CNOT6: variants seen among roughly 807,000 people sequenced by gnomAD.
CNOT6 encodes CCR4-NOT transcription complex subunit 6.
In CNOT6, 12 loss-of-function variants were observed where a neutral mutation model predicts 61.2. That is an observed-to-expected ratio of 0.20 (90% CI 0.13 to 0.32). The LOEUF (loss-of-function observed/expected upper bound fraction) is 0.32. CNOT6 is among the 10% of genes least tolerant of loss of function. CNOT6 has a pLI of 1.00. For synonymous variants in CNOT6, 225 were observed against 240.6 expected, an observed-to-expected ratio of 0.94 and a Z score of 0.60; for missense variants, 405 against 663.9, an observed-to-expected ratio of 0.61 and a Z score of 4.28.
intron 3 of CNOT6, 57 bp from the exon 4 acceptor site, chr5:180,553,329 T>C (rs911553869): frequency 8.2e-7 from 1 of 1,214,482 alleles, no homozygotes; most frequent in African/African-American, 1.5e-5. Flanking sequence ...TGTTGTTGAT[T>C]TTAACTGTTA....
chr5:180,495,691 C>T (rs1427175615), intron 1 of CNOT6: 1 of 152,180 alleles, frequency 6.6e-6, no homozygotes, highest in Admixed American at 6.5e-5. Context: ...TTCTTGCCTA[C>T]TTGTATCTGG....
At chr5:180,497,320 C>G (rs560067086) in intron 1 of CNOT6, among the ~76,000 whole-genome samples, 1 of 93,422 alleles carries the variant, frequency 1.1e-5, no homozygotes, top group Non-Finnish European at 2.2e-5. Flanking sequence ...AGTGAAACTC[C>G]GTCTCAAAAA....
intron 1 of CNOT6, among the ~76,000 whole-genome samples, chr5:180,517,419 G>A (rs1757685351): frequency 6.6e-6 from 1 of 151,960 alleles, no homozygotes; most frequent in African/African-American, 2.4e-5. Flanking sequence ...ATGAGCCACT[G>A]TACCCGGCCG....
At chr5:180,523,464 A>G (rs917797998) in intron 1 of CNOT6, among the ~76,000 whole-genome samples, 1 of 152,116 alleles carries the variant, frequency 6.6e-6, no homozygotes, top group Admixed American at 6.6e-5. Flanking sequence ...TTCACTGAAC[A>G]TGTTTGATTC....
At chr5:180,556,599 T>C (rs1759903230) in intron 4 of CNOT6, among the ~76,000 whole-genome samples, 1 of 152,190 alleles carries the variant, frequency 6.6e-6, no homozygotes, top group African/African-American at 2.4e-5. Context: ...TGTTACACTC[T>C]TATAGCCACA....
intron 2 of CNOT6, among the ~76,000 whole-genome samples, chr5:180,547,365 T>C (rs933427697): frequency 6.6e-6 from 1 of 151,702 alleles, no homozygotes; most frequent in African/African-American, 2.4e-5. Flanking sequence ...ACTAAAAATA[T>C]GAAACTTAGC....
rs1158574664 is a variant in CNOT6 at position 180,569,259 on chromosome 5, A to G, written c.1177A>G (p.Asn393Asp). Residue 393 changes from asparagine (N) to aspartate (D), a missense_variant, in exon 10 of 12, where the codon AAC becomes GAC. Transcript: ENST00000261951. ...GAACATTATTGATAAAGCCTCTCGC[A>G]ACCTCAAATCCAGTGTTTTGGGAGA... Reference protein sequence around the residue: ...VKNIIDKASRNLKSSVLGEFG... With the variant: ...VKNIIDKASRDLKSSVLGEFG... 1 of 1,614,228 alleles carries G rather than the reference A, an allele frequency of 6.2e-7. No individual in the cohort carries two copies. The highest frequency in any genetic ancestry group is 1.3e-5 in the African/African-American group (1 of 75,068).
intron 1 of CNOT6, among the ~76,000 whole-genome samples, chr5:180,509,859 T>C (rs1418244567): frequency 2.7e-5 from 4 of 150,154 alleles, no homozygotes; most frequent in Non-Finnish European, 4.4e-5. Context: ...CTAGCTACTC[T>C]TTGTTAAATT....
chr5:180,513,830 A>C (rs945775457), intron 1 of CNOT6, among the ~76,000 whole-genome samples: 18 of 151,808 alleles, frequency 1.2e-4, no homozygotes, highest in Non-Finnish European at 2.2e-4. Flanking sequence ...AGCCTCTCCG[A>C]GTAGCTGGGA....
chr5:180,544,532 C>T (rs11249725), intron 2 of CNOT6, among the ~76,000 whole-genome samples: 70,912 of 151,908 alleles, frequency 0.47, 17,571 homozygotes, highest in Non-Finnish European at 0.56. Context: ...TGATTTATTC[C>T]TTTACTTGGC....
intron 1 of CNOT6, among the ~76,000 whole-genome samples, chr5:180,528,165 C>G (rs1758188998): frequency 6.6e-6 from 1 of 152,038 alleles, no homozygotes; most frequent in Non-Finnish European, 1.5e-5. Context: ...TTGCCTAGAT[C>G]CATTATTTTC....
chr5:180,568,970 A>G, intron 9 of CNOT6, 140 bp from the exon 10 acceptor site: 4 of 640,154 alleles, frequency 6.2e-6, no homozygotes, highest in Non-Finnish European at 1.1e-5. Context: ...TGTAGGGCAC[A>G]TTCAGTCATC....
chr5:180,553,515 C>A, intron 4 of CNOT6, 44 bp downstream of exon 4: 1 of 1,448,484 alleles, frequency 6.9e-7, no homozygotes, highest in African/African-American at 1.4e-5. Flanking sequence ...GTGTATATGT[C>A]TTTGAATCTA....
intron 2 of CNOT6, among the ~76,000 whole-genome samples, chr5:180,539,549 T>C (rs1758910018): frequency 9.2e-6 from 1 of 108,120 alleles, no homozygotes; most frequent in African/African-American, 3.4e-5. Context: ...ACTTTTTCTG[T>C]TCTTTTTTTT....
intron 2 of CNOT6, among the ~76,000 whole-genome samples, chr5:180,542,963 G>A (rs138032680): frequency 3.9e-5 from 6 of 152,200 alleles, no homozygotes; most frequent in African/African-American, 1.2e-4. Flanking sequence ...CTTGTATTGC[G>A]TAGTTCAATG....
chr5:180,517,194 A>G (rs975085252), intron 1 of CNOT6, among the ~76,000 whole-genome samples: 1 of 152,136 alleles, frequency 6.6e-6, no homozygotes, highest in African/African-American at 2.4e-5. Context: ...CTGGAGCGCA[A>G]TGGCGTGATC....
At chr5:180,541,694 C>T (rs1759054291) in intron 2 of CNOT6, among the ~76,000 whole-genome samples, 1 of 151,916 alleles carries the variant, frequency 6.6e-6, no homozygotes, top group Non-Finnish European at 1.5e-5. Context: ...CCTCGTGATC[C>T]ACCCACCTCA....
chr5:180,508,277 A>G (rs1017102279), intron 1 of CNOT6, among the ~76,000 whole-genome samples: 1 of 152,188 alleles, frequency 6.6e-6, no homozygotes, highest in African/African-American at 2.4e-5. Context: ...GGGTGTAAGC[A>G]TAGGAGAAAG....
At chr5:180,571,521 G>A in intron 11 of CNOT6, 89 bp downstream of exon 11, 2 of 942,916 alleles carry the variant, frequency 2.1e-6, no homozygotes, top group South Asian at 3.0e-5. Context: ...CTGTGGCTGT[G>A]TGTTCAGGCT....
Sources: gnomAD v4.1 joint callset for allele counts (sites outside exome capture counted in the v4.1 genomes callset) on GRCh38, gnomAD v4.1.1 for gene constraint, MANE v1.5 for transcripts, NCBI Gene and HGNC (gene_info 2026-07-23, HGNC 2026-07-21) for gene names.